The following CASK variants were observed in gnomAD, a reference collection of about 807,000 sequenced individuals.
CASK encodes calcium/calmodulin dependent serine protein kinase.
A neutral mutation model predicts 82.9 loss-of-function variants in CASK; 4 were observed. The observed-to-expected ratio is 0.05, with a 90% CI of 0.02 to 0.11. CASK has a LOEUF of 0.11. Ranked by LOEUF, CASK falls within the 10% of genes least tolerant of loss-of-function variation. The pLI, the probability that CASK is intolerant of heterozygous loss-of-function variation, is 1.00. For missense variants in CASK, 358 were observed against 720.9 expected, an observed-to-expected ratio of 0.50 and a Z score of 5.76; for synonymous variants, 259 against 253.5, an observed-to-expected ratio of 1.02 and a Z score of -0.20.
Position 41,653,834 on chromosome X carries a change from GGTTGATGCAGGACCCACA to G in CASK, c.831+6587_831+6604del, listed in dbSNP as rs1305727045. Among the ~76,000 whole-genome samples, 4 of 112,392 alleles carry G rather than the reference GGTTGATGCAGGACCCACA, an allele frequency of 3.6e-5. No homozygotes were observed. In the Admixed American group the frequency reaches 3.8e-4, roughly 11 times the overall value. On this transcript the variant is annotated intron_variant, in intron 8 of 26. Coordinates refer to ENST00000378163, the MANE Select transcript of CASK (RefSeq NM_001367721.1). Reference sequence around the variant, plus strand: ...GCTGCAGAGTGGACAGGCATGTTTGGGTTGATGCAGGACCCACAGCTCACTACTGAACAATCAACAATG... The same window carrying G: ...GCTGCAGAGTGGACAGGCATGTTTGGGCTCACTACTGAACAATCAACAATG...
chrX:41,875,577 G>A, intron 1 of CASK, among the ~76,000 whole-genome samples: 1 of 110,949 alleles, frequency 9.0e-6, no homozygotes, highest in Admixed American at 9.6e-5. Flanking sequence ...AAGGTTGGGG[G>A]TGGGGATTGG....
intron 5 of CASK, among the ~76,000 whole-genome samples, chrX:41,688,440 CATT>C (rs767357625): frequency 8.9e-6 from 1 of 112,213 alleles, no homozygotes; most frequent in Admixed American, 9.5e-5. Flanking sequence ...AGAATCCCAT[CATT>C]ATTTCGCTTA....
chrX:41,727,290 C>A (rs765104996), intron 5 of CASK: 2 of 1,207,794 alleles, frequency 1.7e-6, no homozygotes, highest in East Asian at 3.0e-5. Context: ...CTGCTCAATG[C>A]AGAGTGGTCA....
chrX:41,715,578 C>A (rs1200422827), intron 5 of CASK, among the ~76,000 whole-genome samples: 1 of 107,032 alleles, frequency 9.3e-6, no homozygotes, highest in Non-Finnish European at 1.9e-5. Context: ...GCCGAGATTG[C>A]GCCATTGCAC....
intron 1 of CASK, among the ~76,000 whole-genome samples, chrX:41,914,014 A>G (rs1467057090): frequency 8.9e-6 from 1 of 112,204 alleles, no homozygotes; most frequent in Non-Finnish European, 1.9e-5. Context: ...GTATAATGGT[A>G]ATCTGCACAC....
chrX:41,904,418 G>A (rs1440580096), intron 1 of CASK, among the ~76,000 whole-genome samples: 1 of 111,725 alleles, frequency 9.0e-6, no homozygotes, highest in Non-Finnish European at 1.9e-5. Flanking sequence ...ATGAAAAACA[G>A]ATTTACCACA....
At chrX:41,777,627 G>C (rs768736741) in intron 3 of CASK, among the ~76,000 whole-genome samples, 1 of 111,762 alleles carries the variant, frequency 8.9e-6, no homozygotes, top group Non-Finnish European at 1.9e-5. Flanking sequence ...GAGAGAAGAA[G>C]GGGATTATCA....
chrX:41,846,355 T>C (rs938891319), intron 2 of CASK, among the ~76,000 whole-genome samples: 7 of 108,079 alleles, frequency 6.5e-5, no homozygotes, highest in African/African-American at 1.4e-4. Flanking sequence ...TTTAACTTAT[T>C]TGTAGGAGCT....
intron 2 of CASK, among the ~76,000 whole-genome samples, chrX:41,800,139 C>G (rs2069962329): frequency 9.0e-6 from 1 of 111,211 alleles, no homozygotes; most frequent in African/African-American, 3.3e-5. Context: ...CAGCTCCCAT[C>G]TCCTTCAACT....
At chrX:41,569,292 T>C (rs763575765) in intron 16 of CASK, among the ~76,000 whole-genome samples, 9 of 111,586 alleles carry the variant, frequency 8.1e-5, no homozygotes, top group Admixed American at 7.6e-4. Context: ...TTATCTCCCG[T>C]GGTCCCCGTA....
chrX:41,843,344 G>A (rs1191661510), intron 2 of CASK, among the ~76,000 whole-genome samples: 1 of 111,390 alleles, frequency 9.0e-6, no homozygotes, highest in Non-Finnish European at 1.9e-5. Flanking sequence ...CCTTCTATTT[G>A]TAGGTTGTTG....
chrX:41,836,558 CACATAATGA>C (rs1363115817), intron 2 of CASK, among the ~76,000 whole-genome samples: 1 of 111,119 alleles, frequency 9.0e-6, no homozygotes, highest in Non-Finnish European at 1.9e-5. Flanking sequence ...CGTATTATGT[CACATAATGA>C]ACATAATTCA....
In CASK at chrX:41,843,559, C is replaced by T. The variant is rs140192912; in HGVS notation, c.172+9556G>A. ...ATTCAGGTACAATTAACTTATCATACAATTTGTCCACAAAGTATACAATTT... is the reference window on the plus strand; with the variant it reads ...ATTCAGGTACAATTAACTTATCATATAATTTGTCCACAAAGTATACAATTT... On this transcript the variant is annotated intron_variant, in intron 2 of 26. Transcript: ENST00000378163. Among the ~76,000 whole-genome samples the T allele has an allele frequency of 4.7e-3, 528 of 111,949 alleles. 1 individual carries two copies. Among genetic ancestry groups the T allele is most frequent in the Non-Finnish European group, 7.3e-3 (388 of 53,072 alleles).
At chrX:41,832,937 A>G (rs1250078909) in intron 2 of CASK, among the ~76,000 whole-genome samples, 2 of 111,741 alleles carry the variant, frequency 1.8e-5, no homozygotes, top group East Asian at 5.6e-4. Flanking sequence ...CACCAGCAAA[A>G]AACACAAAAA....
At chrX:41,830,738 T>G (rs1476842912) in intron 2 of CASK, among the ~76,000 whole-genome samples, 2 of 99,461 alleles carry the variant, frequency 2.0e-5, no homozygotes, top group Non-Finnish European at 2.0e-5. Flanking sequence ...GAGTATGGCG[T>G]GAACCCAGGA....
At chrX:41,699,656 A>C (rs1392235099) in intron 5 of CASK, among the ~76,000 whole-genome samples, 1 of 110,934 alleles carries the variant, frequency 9.0e-6, no homozygotes, top group African/African-American at 3.3e-5. Flanking sequence ...ATTACTATAA[A>C]GCTCTGCACA....
At chrX:41,913,466 T>C (rs1384852447) in intron 1 of CASK, among the ~76,000 whole-genome samples, 1 of 112,260 alleles carries the variant, frequency 8.9e-6, no homozygotes, top group African/African-American at 3.2e-5. Flanking sequence ...GTATATACCA[T>C]TAACCACATT....
At chrX:41,672,396 T>C (rs1157636059) in intron 5 of CASK, among the ~76,000 whole-genome samples, 1 of 111,416 alleles carries the variant, frequency 9.0e-6, no homozygotes, top group Non-Finnish European at 1.9e-5. Context: ...CTCTGGTATC[T>C]GCTTAAACAC....
At chrX:41,882,198 T>C (rs1416937584) in intron 1 of CASK, among the ~76,000 whole-genome samples, 4 of 111,629 alleles carry the variant, frequency 3.6e-5, no homozygotes, top group African/African-American at 9.8e-5. Context: ...TCATAGGATA[T>C]GAAAATATTT....
Sources: allele counts gnomAD v4.1 joint callset (sites outside exome capture counted in the v4.1 genomes callset), GRCh38; gene constraint gnomAD v4.1.1; transcripts MANE v1.5; gene names NCBI Gene and HGNC (gene_info 2026-07-23, HGNC 2026-07-21).